The following C6orf163 variants were observed in gnomAD, a reference collection of about 807,000 sequenced individuals.
The protein encoded by C6orf163 is chromosome 6 open reading frame 163.
Under a neutral mutation model 28.4 loss-of-function variants are expected in C6orf163, and 22 were observed. The observed-to-expected ratio is 0.78, with a 90% CI of 0.55 to 1.11. C6orf163 has a LOEUF of 1.11. Among genes scored for constraint, C6orf163 ranks in the 50% least tolerant of loss-of-function variants. The pLI, the probability that C6orf163 is intolerant of heterozygous loss-of-function variation, is 0.00. For synonymous variants in C6orf163, 110 were observed against 123.6 expected (o/e 0.89, Z 0.73); for missense variants, 342 against 389.1 (o/e 0.88, Z 1.02).
At chr6:87,356,005 A>G (rs1777495515) in intron 3 of C6orf163, 1 of 294,292 alleles carries the variant, frequency 3.4e-6, no homozygotes, top group African/African-American at 2.1e-5. Flanking sequence ...TATTTAGACA[A>G]TCAAGAAAAA....
At chr6:87,347,289 A>C (rs540306953) in intron 1 of C6orf163, 22 of 553,946 alleles carry the variant, frequency 4.0e-5, no homozygotes, top group East Asian at 2.9e-4. Context: ...GTTGTTTATC[A>C]ATAGTTTGTT....
At chr6:87,348,422 A>C (rs1348263422) in intron 1 of C6orf163, 1 of 992,450 alleles carries the variant, frequency 1.0e-6, no homozygotes, top group African/African-American at 1.7e-5. Context: ...CCTTCTCCTG[A>C]TGCTAGCCCT....
At chr6:87,351,902 A>AT (rs1175407140) in intron 3 of C6orf163, among the ~76,000 whole-genome samples, 5 of 152,268 alleles carry the variant, frequency 3.3e-5, no homozygotes, top group African/African-American at 9.6e-5. Flanking sequence ...GTGCTGGTTG[A>AT]TACACATTTT....
chr6:87,361,819 A>G (rs1398207243), intron 4 of C6orf163, among the ~76,000 whole-genome samples: 3 of 152,104 alleles, frequency 2.0e-5, no homozygotes, highest in Non-Finnish European at 4.4e-5. Context: ...TCTGGCAGCT[A>G]TGACTTTTTA....
intron 3 of C6orf163, among the ~76,000 whole-genome samples, chr6:87,351,728 C>T (rs979525393): frequency 4.6e-5 from 7 of 152,192 alleles, no homozygotes; most frequent in African/African-American, 7.2e-5. Context: ...AATAGTTACC[C>T]GCTAAGCCCT....
chr6:87,348,810 A>G lies in C6orf163; in HGVS notation c.149-2A>G. ...TGTGACCATTGCTCTTCAAATACACAGATATTGGGGCAAATATTCTGAAAA... is the reference window on the plus strand; with the variant it reads ...TGTGACCATTGCTCTTCAAATACACGGATATTGGGGCAAATATTCTGAAAA... On this transcript the variant is annotated splice_acceptor_variant, in intron 1 of 4. Coordinates refer to ENST00000388923, the MANE Select transcript of C6orf163 (RefSeq NM_001010868.3). LOFTEE classifies it high-confidence loss of function. 1.3e-6 allele frequency: 2 copies of G among 1,537,210 alleles called. No homozygotes were observed. Among genetic ancestry groups the G allele is most frequent in the Non-Finnish European group, 1.7e-6 (2 of 1,146,842 alleles).
At chr6:87,360,318 C>T (rs1245211299) in intron 4 of C6orf163, among the ~76,000 whole-genome samples, 6 of 151,822 alleles carry the variant, frequency 4.0e-5, no homozygotes, top group Non-Finnish European at 5.9e-5. Flanking sequence ...CATTGAAAAA[C>T]ATTTTACACA....
At chr6:87,358,181 C>T (rs888134933) in intron 4 of C6orf163, 3 of 152,072 alleles carry the variant, frequency 2.0e-5, no homozygotes, top group African/African-American at 2.4e-5. Context: ...AAACTTTCAT[C>T]AAGACTTAAG....
chr6:87,356,547 A>G, intron 4 of C6orf163, 44 bp downstream of exon 4: 1 of 1,522,608 alleles, frequency 6.6e-7, no homozygotes, highest in East Asian at 2.5e-5. Flanking sequence ...TTCCTTTATC[A>G]AAATCAACCT....
At chr6:87,356,545 T>A in intron 4 of C6orf163, 42 bp downstream of exon 4, 9 of 1,529,490 alleles carry the variant, frequency 5.9e-6, no homozygotes, top group Non-Finnish European at 8.0e-6. Flanking sequence ...ACTTCCTTTA[T>A]CAAAATCAAC....
At chr6:87,353,577 A>C (rs899865455) in intron 3 of C6orf163, among the ~76,000 whole-genome samples, 2 of 152,100 alleles carry the variant, frequency 1.3e-5, no homozygotes, top group Non-Finnish European at 2.9e-5. Flanking sequence ...AATACATTTC[A>C]TTCTGAAAAA....
intron 3 of C6orf163, 31 bp downstream of exon 3, chr6:87,350,532 A>G (rs908203180): frequency 1.6e-6 from 2 of 1,253,694 alleles, no homozygotes; most frequent in Non-Finnish European, 2.2e-6. Flanking sequence ...GTTGTCTTTT[A>G]AAAGTAATTA....
rs1426761606 is a variant in C6orf163, at chr6:87,345,248, G to A, written c.148+1G>A. 1 of 1,514,758 alleles carries A rather than the reference G, an allele frequency of 6.6e-7. No homozygotes were observed. Among genetic ancestry groups the A allele is most frequent in the Non-Finnish European group, 8.8e-7 (1 of 1,140,546 alleles). The allele number at this position is 1,514,758 out of a possible 1,614,324, so 93.8% of individuals were successfully genotyped here. A position where few individuals can be genotyped will look rare whatever the true frequency, so the allele number is the denominator to read the frequency against. On this transcript the variant is annotated splice_donor_variant, in intron 1 of 4. Coordinates refer to ENST00000388923, the MANE Select transcript of C6orf163 (RefSeq NM_001010868.3). LOFTEE classifies it high-confidence loss of function. Reference sequence around the variant, plus strand: ...TTTTACACTCACAAAGACATACTAGGTAAGTGACTTTATCGTTTTCCTTTG... The same window carrying A: ...TTTTACACTCACAAAGACATACTAGATAAGTGACTTTATCGTTTTCCTTTG...
intron 3 of C6orf163, 144 bp from the exon 4 acceptor site, chr6:87,356,157 C>T: frequency 1.4e-6 from 1 of 700,020 alleles, no homozygotes; most frequent in Non-Finnish European, 2.4e-6. Flanking sequence ...TTTTCCATAT[C>T]ATACACACTC....
intron 4 of C6orf163, among the ~76,000 whole-genome samples, chr6:87,363,796 G>T (rs543131816): frequency 6.6e-6 from 1 of 151,904 alleles, no homozygotes. Flanking sequence ...GAATAGTGCC[G>T]CAATAAACAT....
chr6:87,349,815 T>A (rs2127930710), intron 2 of C6orf163, among the ~76,000 whole-genome samples: 1 of 152,346 alleles, frequency 6.6e-6, no homozygotes, highest in East Asian at 1.9e-4. Context: ...TTATTAGTGG[T>A]AAAATTCAAA....
intron 3 of C6orf163, among the ~76,000 whole-genome samples, chr6:87,355,570 C>T (rs983664862): frequency 1.3e-5 from 2 of 151,970 alleles, no homozygotes; most frequent in African/African-American, 2.4e-5. Flanking sequence ...CAAAAAAAAA[C>T]AATTACCTTT....
rs79002777 is a variant in C6orf163 at position 87,350,440 on chromosome 6, C to T, written c.290C>T (p.Ala97Val). ...KQAVEKALEE[A>V]NDRHKIEIQI... ...GCAGTGGAGAAAGCACTTGAAGAAG[C>T]AAATGACAGACACAAAATTGAAATT... The change falls in exon 3 of 5, where the codon GCA (alanine) becomes GTA (valine). Residue 97 changes from alanine (A) to valine (V), a missense_variant. Transcript: ENST00000388923. 163 of 1,535,674 alleles carry T rather than the reference C, an allele frequency of 1.1e-4. No homozygotes were observed. The highest frequency in any genetic ancestry group is 1.4e-4 in the Non-Finnish European group (157 of 1,146,276).
chr6:87,354,938 G>T (rs900162681), intron 3 of C6orf163, among the ~76,000 whole-genome samples: 1 of 152,216 alleles, frequency 6.6e-6, no homozygotes, highest in East Asian at 1.9e-4. Context: ...CTCTCTCAGG[G>T]GCTCCCATAG....
Sources: gnomAD v4.1 joint callset for allele counts (sites outside exome capture counted in the v4.1 genomes callset) on GRCh38, gnomAD v4.1.1 for gene constraint, MANE v1.5 for transcripts, NCBI Gene and HGNC (gene_info 2026-07-23, HGNC 2026-07-21) for gene names.